Variants in HIF1A observed in about 807,000 individuals in gnomAD.
HIF1A encodes hypoxia inducible factor 1 subunit alpha, also known as hypoxia-inducible factor 1-alpha.
In HIF1A, 24 loss-of-function variants were observed where a neutral mutation model predicts 92.7. That is an observed-to-expected ratio of 0.26 (90% CI 0.19 to 0.36). The LOEUF (loss-of-function observed/expected upper bound fraction) is 0.36. Ranked by LOEUF, HIF1A falls within the 10% of genes least tolerant of loss-of-function variation. The probability of loss-of-function intolerance (pLI) is 1.00; values close to 1 mark genes in which losing one functional copy is unlikely to be tolerated. For missense variants in HIF1A, 799 were observed against 998.5 expected (o/e 0.80, Z 2.69); for synonymous variants, 319 against 338.7 (o/e 0.94, Z 0.64).
In HIF1A at chr14:61,745,601, T is replaced by C. The variant is rs749349583; in HGVS notation, c.2203-90T>C. 22 of 1,028,106 alleles carry C rather than the reference T, an allele frequency of 2.1e-5. No homozygotes were observed. The South Asian group carries it at 3.0e-4, about 14-fold the overall frequency. 63.7% of individuals were successfully genotyped at this position (1,028,106 alleles called of 1,614,324 possible). On this transcript the variant is annotated intron_variant, in intron 13 of 14. Transcript: ENST00000337138. ...GTAGTATTTAAGAAACTGCCTATAATGTTATTAAATTTACACCAATTTCAA... is the reference window on the plus strand; with the variant it reads ...GTAGTATTTAAGAAACTGCCTATAACGTTATTAAATTTACACCAATTTCAA...
At chr14:61,705,784 T>C (rs2044232022) in intron 1 of HIF1A, among the ~76,000 whole-genome samples, 1 of 152,150 alleles carries the variant, frequency 6.6e-6, no homozygotes, top group Non-Finnish European at 1.5e-5. Flanking sequence ...ATTTATTTGG[T>C]AATATTGGAT....
At chr14:61,701,604 A>G (rs2044177120) in intron 1 of HIF1A, among the ~76,000 whole-genome samples, 1 of 152,176 alleles carries the variant, frequency 6.6e-6, no homozygotes, top group African/African-American at 2.4e-5. Context: ...TCAGATGCTA[A>G]GCAAATTTCT....
chr14:61,732,205 T>C (rs12885226), intron 6 of HIF1A, among the ~76,000 whole-genome samples: 143,652 of 152,278 alleles, frequency 0.94, 68,239 homozygotes, highest in Non-Finnish European at 1. Context: ...ACAGGAGGAA[T>C]CTAGAGGACT....
At chr14:61,698,819 C>G (rs1048254834) in intron 1 of HIF1A, 1 of 152,168 alleles carries the variant, frequency 6.6e-6, no homozygotes, top group Non-Finnish European at 1.5e-5. Flanking sequence ...ATTGCTCACC[C>G]CTGTGTTTTC....
Position 61,695,531 on chromosome 14 carries a change from G to C in HIF1A, c.-274G>C, listed in dbSNP as rs2044102197. On this transcript the variant is annotated 5_prime_UTR_variant, in exon 1 of 15. Transcript: ENST00000337138. The stretch of plus-strand genomic sequence containing the variant: ...GCTCCTCAGTGCACAGTGCTGCCTC[G>C]TCTGAGGGGACAGGAGGATCACCCT... 1.9e-6 allele frequency: 1 copy of C among 539,720 alleles called. No individual in the cohort carries two copies. Among genetic ancestry groups the C allele is most frequent in the Non-Finnish European group, 3.3e-6 (1 of 304,742 alleles). The allele number at this position is 539,720 out of a possible 1,614,324, so 33.4% of individuals were successfully genotyped here.
At chr14:61,714,770 A>G (rs957582032) in intron 1 of HIF1A, among the ~76,000 whole-genome samples, 1 of 152,202 alleles carries the variant, frequency 6.6e-6, no homozygotes, top group African/African-American at 2.4e-5. Flanking sequence ...CAGTGGCTCA[A>G]CGCCTGTAAT....
At chr14:61,717,507 T>C (rs2044376756) in intron 1 of HIF1A, among the ~76,000 whole-genome samples, 1 of 152,200 alleles carries the variant, frequency 6.6e-6, no homozygotes, top group Admixed American at 6.5e-5. Context: ...ATATTAGTTG[T>C]TTTCTTGAAG....
In HIF1A at chr14:61,734,132, C is replaced by T. The variant is rs1440757390; in HGVS notation, c.881-6C>T. 1.9e-6 allele frequency: 3 copies of T among 1,543,712 alleles called. No individual in the cohort carries two copies. Among genetic ancestry groups the T allele is most frequent in the Non-Finnish European group, 2.6e-6 (3 of 1,147,086 alleles). ...TCTGCATGATTCTTTTTCTTTTCCC[C>T]CCTAGTGTTTACTAAAGGACAAGTC... On this transcript the variant is annotated splice_region_variant and splice_polypyrimidine_tract_variant and intron_variant, in intron 7 of 14. Coordinates refer to ENST00000337138, the MANE Select transcript of HIF1A (RefSeq NM_001530.4).
intron 1 of HIF1A, among the ~76,000 whole-genome samples, chr14:61,719,317 GC>G (rs2044399555): frequency 6.6e-6 from 1 of 152,174 alleles, no homozygotes; most frequent in African/African-American, 2.4e-5. Context: ...TAAAGTAGAA[GC>G]AGCATTCCCC....
chr14:61,721,963 T>A, intron 4 of HIF1A, 140 bp downstream of exon 4: 1 of 591,714 alleles, frequency 1.7e-6, no homozygotes, highest in Non-Finnish European at 3.0e-6. Context: ...TATTCTTTGT[T>A]AAAACTATTA....
intron 8 of HIF1A, among the ~76,000 whole-genome samples, chr14:61,735,274 C>G (rs2044622102): frequency 6.6e-6 from 1 of 152,152 alleles, no homozygotes; most frequent in Non-Finnish European, 1.5e-5. Flanking sequence ...TTTAGCCTTC[C>G]CTTTAAAATC....
intron 11 of HIF1A, 61 bp from the exon 12 acceptor site, chr14:61,740,694 A>G: frequency 6.5e-7 from 1 of 1,545,254 alleles, no homozygotes; most frequent in Non-Finnish European, 8.7e-7. Flanking sequence ...TTTGAGTTTC[A>G]CTTGTTTTTT....
intron 1 of HIF1A, among the ~76,000 whole-genome samples, chr14:61,711,432 A>G (rs1029015113): frequency 2.6e-5 from 4 of 152,188 alleles, no homozygotes; most frequent in African/African-American, 9.7e-5. Context: ...ACATTTGCTT[A>G]GGACAAAACA....
chr14:61,717,257 C>T lies in HIF1A; in HGVS notation c.36-3125C>T, dbSNP rs1020764409. On this transcript the variant is annotated intron_variant, in intron 1 of 14. Transcript: ENST00000337138. ...TAAAATTAGCCTTCCTGTGACTAGACAAGAAGCCGGGCAGTTTAAATGCTG... is the reference window on the plus strand; with the variant it reads ...TAAAATTAGCCTTCCTGTGACTAGATAAGAAGCCGGGCAGTTTAAATGCTG... Among the ~76,000 whole-genome samples, 42 of 152,256 alleles carry T rather than the reference C, an allele frequency of 2.8e-4. 1 individual carries two copies. Among genetic ancestry groups the T allele is most frequent in the Admixed American group, 1.2e-3 (19 of 15,302 alleles).
At chr14:61,712,253 A>C (rs192505001) in intron 1 of HIF1A, among the ~76,000 whole-genome samples, 9 of 152,252 alleles carry the variant, frequency 5.9e-5, no homozygotes, top group Non-Finnish European at 1.0e-4. Flanking sequence ...GGGAACAACT[A>C]GTGCAAAGGC....
chr14:61,711,938 T>C (rs2044313131), intron 1 of HIF1A, among the ~76,000 whole-genome samples: 1 of 152,236 alleles, frequency 6.6e-6, no homozygotes, highest in Admixed American at 6.5e-5. Flanking sequence ...AGCCAGCACA[T>C]AATTGAATAC....
chr14:61,706,116 C>CA (rs1165483681), intron 1 of HIF1A, among the ~76,000 whole-genome samples: 2 of 151,798 alleles, frequency 1.3e-5, no homozygotes. Flanking sequence ...CATCTAAGAG[C>CA]ATATAAATAA....
chr14:61,718,686 A>G (rs765134234), intron 1 of HIF1A, among the ~76,000 whole-genome samples: 4 of 152,146 alleles, frequency 2.6e-5, no homozygotes, highest in Admixed American at 6.5e-5. Flanking sequence ...CTCAGTGACT[A>G]ATTTTTTTTT....
intron 1 of HIF1A, among the ~76,000 whole-genome samples, chr14:61,704,609 T>A (rs1310363576): frequency 1.3e-5 from 2 of 152,218 alleles, no homozygotes; most frequent in Non-Finnish European, 2.9e-5. Flanking sequence ...AATATTTAAA[T>A]GGTTATAGTG....
Sources: gnomAD v4.1 joint callset for allele counts (sites outside exome capture counted in the v4.1 genomes callset) on GRCh38, gnomAD v4.1.1 for gene constraint, MANE v1.5 for transcripts, NCBI Gene and HGNC (gene_info 2026-07-23, HGNC 2026-07-21) for gene names.